PLXDC2: variants seen among roughly 807,000 people sequenced by gnomAD.
The protein encoded by PLXDC2 is plexin domain-containing protein 2.
In PLXDC2, 40 loss-of-function variants were observed where a neutral mutation model predicts 68.9. The ratio of observed to expected loss-of-function variants is 0.58; its 90% CI spans 0.45 to 0.76. The LOEUF (loss-of-function observed/expected upper bound fraction) is 0.76. Among genes scored for constraint, PLXDC2 ranks in the 30% least tolerant of loss-of-function variants. The probability of loss-of-function intolerance (pLI) is 0.00; values close to 1 mark genes in which losing one functional copy is unlikely to be tolerated. For missense variants in PLXDC2, 644 were observed against 661.9 expected, an observed-to-expected ratio of 0.97 and a Z score of 0.30; for synonymous variants, 243 against 234.2, an observed-to-expected ratio of 1.04 and a Z score of -0.34.
chr10:20,068,579 AT>A (rs974271779), intron 4 of PLXDC2, among the ~76,000 whole-genome samples: 8 of 148,698 alleles, frequency 5.4e-5, no homozygotes, highest in Admixed American at 5.4e-4. Flanking sequence ...GTGATCTTAA[AT>A]TTTCTTTTAA....
At chr10:19,919,652 T>C (rs7095792) in intron 1 of PLXDC2, among the ~76,000 whole-genome samples, 35,419 of 152,160 alleles carry the variant, frequency 0.23, 4,540 homozygotes, top group South Asian at 0.4. Flanking sequence ...CATTTTCTTT[T>C]TGATATATAC....
At chr10:20,105,104 G>A (rs1833474386) in intron 4 of PLXDC2, among the ~76,000 whole-genome samples, 1 of 151,520 alleles carries the variant, frequency 6.6e-6, no homozygotes, top group African/African-American at 2.4e-5. Context: ...CTGGACTCTG[G>A]GGAGCACCAC....
At chr10:20,279,073 C>T (rs933392194) in intron 13 of PLXDC2, among the ~76,000 whole-genome samples, 1 of 152,120 alleles carries the variant, frequency 6.6e-6, no homozygotes, top group African/African-American at 2.4e-5. Context: ...TCACGATTGG[C>T]CACACCCTCT....
intron 1 of PLXDC2, among the ~76,000 whole-genome samples, chr10:19,930,326 A>G (rs761457508): frequency 5.3e-5 from 8 of 152,182 alleles, no homozygotes; most frequent in African/African-American, 1.2e-4. Flanking sequence ...CCTTTTTTCC[A>G]GAAACAGCCG....
intron 12 of PLXDC2, among the ~76,000 whole-genome samples, chr10:20,242,987 C>T (rs112940860): frequency 5.9e-4 from 90 of 152,100 alleles, no homozygotes; most frequent in Non-Finnish European, 1.1e-3. Flanking sequence ...GCTGGGATTA[C>T]GGGCATGAGC....
At chr10:20,113,056 G>A (rs2460589) in intron 4 of PLXDC2, among the ~76,000 whole-genome samples, 141,327 of 152,256 alleles carry the variant, frequency 0.93, 65,683 homozygotes, top group Non-Finnish European at 0.94. Context: ...TTAGCAGGTA[G>A]TCCCTCCCAT....
intron 4 of PLXDC2, among the ~76,000 whole-genome samples, chr10:20,076,131 A>G (rs1003100710): frequency 1.2e-4 from 18 of 152,228 alleles, no homozygotes; most frequent in African/African-American, 3.9e-4. Context: ...TAAAGTAACA[A>G]TATATGCCAG....
intron 1 of PLXDC2, among the ~76,000 whole-genome samples, chr10:19,856,401 C>T (rs1008690348): frequency 6.6e-6 from 1 of 151,846 alleles, no homozygotes; most frequent in African/African-American, 2.4e-5. Context: ...CACACACACA[C>T]ACACACACAC....
intron 9 of PLXDC2, among the ~76,000 whole-genome samples, chr10:20,203,493 T>C (rs1476035711): frequency 6.6e-6 from 1 of 151,874 alleles, no homozygotes; most frequent in Admixed American, 6.6e-5. Flanking sequence ...CTTTTTTTTG[T>C]AGAGACAGGA....
At chr10:19,958,686 G>A (rs1447514267) in intron 1 of PLXDC2, among the ~76,000 whole-genome samples, 1 of 152,078 alleles carries the variant, frequency 6.6e-6, no homozygotes, top group Non-Finnish European at 1.5e-5. Flanking sequence ...ATCCCCCTCA[G>A]TTCGGAATTT....
chr10:20,111,612 T>C (rs560160768), intron 4 of PLXDC2, among the ~76,000 whole-genome samples: 1 of 152,342 alleles, frequency 6.6e-6, no homozygotes, highest in African/African-American at 2.4e-5. Flanking sequence ...AGAATCACAC[T>C]GTAATCATTG....
chr10:19,975,356 G>A (rs1349405850), intron 1 of PLXDC2, among the ~76,000 whole-genome samples: 1 of 152,118 alleles, frequency 6.6e-6, no homozygotes, highest in Admixed American at 6.5e-5. Flanking sequence ...TACTCGGGAG[G>A]CCGAGGCAGG....
At chr10:19,975,644 T>C (rs187071155) in intron 1 of PLXDC2, among the ~76,000 whole-genome samples, 2 of 152,332 alleles carry the variant, frequency 1.3e-5, no homozygotes. Context: ...TATGAATTCC[T>C]GCATCTCTCT....
chr10:19,836,840 T>A (rs1203507208), intron 1 of PLXDC2, among the ~76,000 whole-genome samples: 2 of 152,232 alleles, frequency 1.3e-5, no homozygotes, highest in Non-Finnish European at 2.9e-5. Flanking sequence ...AATGTTGTTT[T>A]TCCTCACTGT....
chr10:20,041,820 C>A (rs771761148), intron 2 of PLXDC2, among the ~76,000 whole-genome samples: 9 of 152,064 alleles, frequency 5.9e-5, no homozygotes, highest in African/African-American at 2.4e-5. Flanking sequence ...GGACAGCCTC[C>A]TTCTGTATCC....
chr10:20,216,973 G>A (rs1406814321), intron 10 of PLXDC2, among the ~76,000 whole-genome samples: 1 of 152,140 alleles, frequency 6.6e-6, no homozygotes, highest in African/African-American at 2.4e-5. Flanking sequence ...AGTAGTATGG[G>A]GAAGTTAGCA....
chr10:20,246,430 A>G (rs1410042105), intron 13 of PLXDC2, among the ~76,000 whole-genome samples: 1 of 152,118 alleles, frequency 6.6e-6, no homozygotes, highest in Non-Finnish European at 1.5e-5. Flanking sequence ...GCTCACTGCA[A>G]CCTCTGCCTT....
chr10:20,233,987 C>CTTTTT (rs113028024), intron 12 of PLXDC2, among the ~76,000 whole-genome samples: 2 of 144,906 alleles, frequency 1.4e-5, no homozygotes, highest in Non-Finnish European at 1.5e-5. Flanking sequence ...TGCCCACCTA[C>CTTTTT]TTTTTTTTTT....
At position 20,284,405 on chromosome 10, in the gene PLXDC2, T is replaced by TTGTGTGTGTG. The variant is rs1214983469; in HGVS notation, c.*4587_*4588insGTGTGTGTGT. 7 of 91,534 alleles carry TTGTGTGTGTG rather than the reference T, an allele frequency of 7.6e-5. No individual in the cohort carries two copies. The highest frequency in any genetic ancestry group is 3.4e-4 in the African/African-American group (7 of 20,350). 5.7% of individuals were successfully genotyped at this position (91,534 alleles called of 1,614,324 possible). On this transcript the variant is annotated 3_prime_UTR_variant, in exon 14 of 14. Coordinates refer to ENST00000377252, the MANE Select transcript of PLXDC2 (RefSeq NM_032812.9). Reference sequence around the variant, plus strand: ...GTATATTTGATAGAGATGATAGCAATTATGTGTGTGTGTGTGTGTGTGTGT... The same window carrying TTGTGTGTGTG: ...GTATATTTGATAGAGATGATAGCAATTGTGTGTGTGTATGTGTGTGTGTGTGTGTGTGTGT...
Sources: gnomAD v4.1 joint callset for allele counts (sites outside exome capture counted in the v4.1 genomes callset) on GRCh38, gnomAD v4.1.1 for gene constraint, MANE v1.5 for transcripts, NCBI Gene and HGNC (gene_info 2026-07-23, HGNC 2026-07-21) for gene names.